Variants in NEMP2 observed in about 807,000 individuals in gnomAD.
The protein encoded by NEMP2 is nuclear envelope integral membrane protein 2, also known as UPF0571 transmembrane protein.
A neutral mutation model predicts 54.2 loss-of-function variants in NEMP2; 53 were observed. That is an observed-to-expected ratio of 0.98 (90% CI 0.78 to 1.23). The LOEUF (loss-of-function observed/expected upper bound fraction) is 1.23, where lower values mean the gene tolerates loss of function less well. Ranked by LOEUF, NEMP2 falls within the 50% of genes most tolerant of loss-of-function variation. The pLI is 0.00. For missense variants in NEMP2, 455 were observed against 511.3 expected, an observed-to-expected ratio of 0.89 and a Z score of 1.06; for synonymous variants, 197 against 190.3, an observed-to-expected ratio of 1.04 and a Z score of -0.29.
At chr2:190,436,744 G>C in the NEMP2 span, 1 of 1,614,166 alleles carries the variant, frequency 6.2e-7, no homozygotes, top group Non-Finnish European at 8.5e-7. This position sits in a 1 kb window ranked among gnomAD's most constrained non-coding sequence, Gnocchi z 5.3. Context: ...CCGTATGATG[G>C]ACTTGACTTT....
At chr2:190,561,484 G>C in the NEMP2 span, among the ~76,000 whole-genome samples, 98 of 152,208 alleles carry the variant, frequency 6.4e-4, no homozygotes, top group African/African-American at 2.3e-3. The surrounding 1 kb of genome is among the most constrained non-coding windows in gnomAD (Gnocchi z 5.4). Flanking sequence ...TCTTCACGTG[G>C]TCTTTTTCTA....
chr2:190,566,395 GA>G, the NEMP2 span, among the ~76,000 whole-genome samples: 8 of 152,000 alleles, frequency 5.3e-5, no homozygotes, highest in Non-Finnish European at 1.2e-4. Context: ...GAGGTGGGAG[GA>G]TCACTTGAGC....
the NEMP2 span, among the ~76,000 whole-genome samples, chr2:190,560,140 G>A: frequency 6.6e-6 from 1 of 152,210 alleles, no homozygotes; most frequent in Non-Finnish European, 1.5e-5. This position sits in a 1 kb window ranked among gnomAD's most constrained non-coding sequence, Gnocchi z 5.4. Context: ...GAGTTGCTGT[G>A]TTAGAGATAA....
At chr2:190,576,167 C>T in the NEMP2 span, among the ~76,000 whole-genome samples, 15 of 152,024 alleles carry the variant, frequency 9.9e-5, no homozygotes, top group African/African-American at 3.6e-4. Context: ...GACAGGGTCT[C>T]GCTATGCTGC....
At chr2:190,611,027 T>A in the NEMP2 span, 2 of 152,226 alleles carry the variant, frequency 1.3e-5, no homozygotes, top group African/African-American at 4.8e-5. The surrounding 1 kb of genome is among the most constrained non-coding windows in gnomAD (Gnocchi z 5.4). Flanking sequence ...TAGAGCTTTA[T>A]AGCTGATTAT....
chr2:190,444,947 C>A, the NEMP2 span: 3 of 660,554 alleles, frequency 4.5e-6, no homozygotes, highest in Non-Finnish European at 5.6e-6. Flanking sequence ...TTAACTGTAG[C>A]ATACTGGGTA....
chr2:190,471,940 G>A, the NEMP2 span, among the ~76,000 whole-genome samples: 4 of 152,160 alleles, frequency 2.6e-5, no homozygotes, highest in Non-Finnish European at 5.9e-5. The surrounding 1 kb of genome is among the most constrained non-coding windows in gnomAD (Gnocchi z 4.7). Flanking sequence ...ACCAATATCC[G>A]CTGTTCTGCA....
chr2:190,606,407 G>T, the NEMP2 span, among the ~76,000 whole-genome samples: 1 of 152,134 alleles, frequency 6.6e-6, no homozygotes, highest in Non-Finnish European at 1.5e-5. Context: ...GCCTCCTAAG[G>T]TTGCTGTGAA....
intron 1 of NEMP2, among the ~76,000 whole-genome samples, chr2:190,532,041 A>G (rs868132412): frequency 3.5e-4 from 54 of 152,340 alleles, no homozygotes; most frequent in African/African-American, 1.1e-3. Flanking sequence ...ATTAACTTAT[A>G]TGACAAATTT....
chr2:190,644,964 C>G, the NEMP2 span, among the ~76,000 whole-genome samples: 1 of 152,076 alleles, frequency 6.6e-6, no homozygotes, highest in Non-Finnish European at 1.5e-5. The surrounding 1 kb of genome is among the most constrained non-coding windows in gnomAD (Gnocchi z 4.4). Flanking sequence ...GGAAATAAAC[C>G]TGGTGATTTG....
chr2:190,541,903 A>T, the NEMP2 span, among the ~76,000 whole-genome samples: 3 of 152,152 alleles, frequency 2.0e-5, no homozygotes. The surrounding 1 kb of genome is among the most constrained non-coding windows in gnomAD (Gnocchi z 5.2). Context: ...AGCACTTTGA[A>T]AATGTCCCAT....
chr2:190,464,878 A>G, the NEMP2 span: 1 of 464,448 alleles, frequency 2.2e-6, no homozygotes, highest in Non-Finnish European at 2.6e-6. Context: ...AGCAAAATTT[A>G]TGTTCACTGT....
the NEMP2 span, chr2:190,464,984 A>G: frequency 7.5e-6 from 6 of 801,418 alleles, no homozygotes; most frequent in Non-Finnish European, 9.1e-6. Flanking sequence ...AACTAACTAC[A>G]CTGTTAGGAA....
chr2:190,635,764 A>G, the NEMP2 span, among the ~76,000 whole-genome samples: 1 of 152,194 alleles, frequency 6.6e-6, no homozygotes, highest in African/African-American at 2.4e-5. The surrounding 1 kb of genome is among the most constrained non-coding windows in gnomAD (Gnocchi z 4.1). Flanking sequence ...TAGGAGTGCA[A>G]TTTCTGGGTC....
the NEMP2 span, among the ~76,000 whole-genome samples, chr2:190,541,136 C>T: frequency 2.0e-5 from 3 of 150,956 alleles, no homozygotes; most frequent in Non-Finnish European, 2.9e-5. The surrounding 1 kb of genome is among the most constrained non-coding windows in gnomAD (Gnocchi z 5.2). Flanking sequence ...AAAAGTTTGT[C>T]GATTTTATCT....
At chr2:190,594,024 A>C in the NEMP2 span, among the ~76,000 whole-genome samples, 1 of 151,896 alleles carries the variant, frequency 6.6e-6, no homozygotes, top group Non-Finnish European at 1.5e-5. The surrounding 1 kb of genome is among the most constrained non-coding windows in gnomAD (Gnocchi z 5.6). Flanking sequence ...ATCAAACTAA[A>C]CTCATTGCCG....
the NEMP2 span, among the ~76,000 whole-genome samples, chr2:190,448,077 A>G: frequency 6.6e-6 from 1 of 152,158 alleles, no homozygotes; most frequent in African/African-American, 2.4e-5. Context: ...TGCTGAGTTA[A>G]AGAGAGCAGG....
At chr2:190,426,438 A>G in the NEMP2 span, among the ~76,000 whole-genome samples, 3 of 152,006 alleles carry the variant, frequency 2.0e-5, no homozygotes, top group Non-Finnish European at 4.4e-5. The surrounding 1 kb of genome is among the most constrained non-coding windows in gnomAD (Gnocchi z 4.7). Context: ...TTTTGTTTCA[A>G]GCATGTTTAT....
At chr2:190,501,958 AG>A (rs1213173725), downstream of NEMP2, 4 of 152,668 alleles carry the variant, frequency 2.6e-5, no homozygotes, top group Non-Finnish European at 5.9e-5. Context: ...AACTGACTGT[AG>A]GAAGTCAAAA....
Sources: allele counts gnomAD v4.1 joint callset (sites outside exome capture counted in the v4.1 genomes callset), GRCh38; gene constraint gnomAD v4.1.1; non-coding constraint Gnocchi (gnomAD v3.1); transcripts MANE v1.5; gene names NCBI Gene and HGNC (gene_info 2026-07-23, HGNC 2026-07-21).